The following TNFAIP8 variants were observed in gnomAD, a reference collection of about 807,000 sequenced individuals.
The protein encoded by TNFAIP8 is tumor necrosis factor alpha-induced protein 8.
In TNFAIP8, 7 loss-of-function variants were observed where a neutral mutation model predicts 13.3. That is an observed-to-expected ratio of 0.52 (90% CI 0.30 to 0.99). The LOEUF is 0.99. Ranked by LOEUF, TNFAIP8 falls within the 50% of genes least tolerant of loss-of-function variation. The pLI, the probability that TNFAIP8 is intolerant of heterozygous loss-of-function variation, is 0.07. For synonymous variants in TNFAIP8, 94 were observed against 87.6 expected (o/e 1.07, Z -0.41); for missense variants, 258 against 236.9 (o/e 1.09, Z -0.58).
At chr5:119,277,930 C>T (rs976263732) in intron 1 of TNFAIP8, among the ~76,000 whole-genome samples, 2 of 152,062 alleles carry the variant, frequency 1.3e-5, no homozygotes, top group Admixed American at 1.3e-4. Flanking sequence ...AGCACTAATC[C>T]ACTCATAAGG....
intron 1 of TNFAIP8, among the ~76,000 whole-genome samples, chr5:119,341,565 TTTATAGTTTCA>T (rs1391721716): frequency 1.3e-5 from 2 of 152,198 alleles, no homozygotes; most frequent in African/African-American, 2.4e-5. Context: ...ATGTGAGCCT[TTTATAGTTTCA>T]TTTATATACT....
At chr5:119,365,631 A>G (rs1177165775) in intron 1 of TNFAIP8, among the ~76,000 whole-genome samples, 2 of 152,202 alleles carry the variant, frequency 1.3e-5, no homozygotes, top group Non-Finnish European at 2.9e-5. Context: ...TGCTCCAATA[A>G]ACTTTTTCCT....
intron 1 of TNFAIP8, among the ~76,000 whole-genome samples, chr5:119,358,975 T>C (rs6869623): frequency 0.16 from 24,624 of 152,038 alleles, 3,862 homozygotes; most frequent in African/African-American, 0.41. Context: ...CACCACCACC[T>C]CACCCAGTTC....
intron 1 of TNFAIP8, among the ~76,000 whole-genome samples, chr5:119,375,362 C>T (rs373862045): frequency 1.3e-4 from 20 of 152,168 alleles, no homozygotes; most frequent in East Asian, 5.8e-4. Context: ...TTTAGAGTAA[C>T]GAGTGAGTAG....
At chr5:119,356,869 T>C (rs1751445564) in intron 1 of TNFAIP8, among the ~76,000 whole-genome samples, 2 of 152,086 alleles carry the variant, frequency 1.3e-5, no homozygotes, top group Non-Finnish European at 2.9e-5. Flanking sequence ...CTTTGTTCCT[T>C]GAAACTTTAT....
upstream of TNFAIP8, among the ~76,000 whole-genome samples, chr5:119,351,529 T>G (rs969671755): frequency 6.6e-6 from 1 of 152,166 alleles, no homozygotes; most frequent in African/African-American, 2.4e-5. Context: ...GAACACATTT[T>G]AGGTGGGCTA....
intron 1 of TNFAIP8, among the ~76,000 whole-genome samples, chr5:119,387,257 T>G (rs1752717315): frequency 6.6e-6 from 1 of 152,190 alleles, no homozygotes; most frequent in African/African-American, 2.4e-5. Flanking sequence ...TCCCATTAGA[T>G]TTAGAATTAT....
chr5:119,343,637 C>A (rs949082773), intron 1 of TNFAIP8, among the ~76,000 whole-genome samples: 1 of 152,136 alleles, frequency 6.6e-6, no homozygotes, highest in Non-Finnish European at 1.5e-5. Context: ...CAAACAAATG[C>A]AAGGTATAAT....
chr5:119,391,066 A>C (rs1048390834), intron 1 of TNFAIP8, among the ~76,000 whole-genome samples: 8 of 151,270 alleles, frequency 5.3e-5, no homozygotes, highest in Admixed American at 5.3e-4. Context: ...CCTGGGCTCA[A>C]GTGATCCTCT....
intron 1 of TNFAIP8, among the ~76,000 whole-genome samples, chr5:119,293,284 G>A (rs927808154): frequency 5.9e-5 from 9 of 152,032 alleles, no homozygotes; most frequent in African/African-American, 1.7e-4. Flanking sequence ...CTACTGTGAT[G>A]TACAGTAGAT....
intron 1 of TNFAIP8, among the ~76,000 whole-genome samples, chr5:119,334,316 G>T (rs1750479154): frequency 6.6e-6 from 1 of 152,040 alleles, no homozygotes; most frequent in South Asian, 2.1e-4. Context: ...AGCCCTTAAA[G>T]TTATATTGGT....
intron 1 of TNFAIP8, among the ~76,000 whole-genome samples, chr5:119,356,724 C>G (rs1344802635): frequency 6.6e-6 from 1 of 152,094 alleles, no homozygotes; most frequent in Non-Finnish European, 1.5e-5. Flanking sequence ...TTGTCTGTTT[C>G]TAACTTCGCA....
intron 1 of TNFAIP8, among the ~76,000 whole-genome samples, chr5:119,323,255 C>T (rs548914390): frequency 6.6e-6 from 1 of 152,268 alleles, no homozygotes; most frequent in South Asian, 2.1e-4. Context: ...GCTTAAAATG[C>T]CTCATTAGAG....
intron 1 of TNFAIP8, among the ~76,000 whole-genome samples, chr5:119,381,747 A>G (rs572708004): frequency 4.6e-5 from 7 of 152,160 alleles, no homozygotes; most frequent in Non-Finnish European, 1.0e-4. Flanking sequence ...AGAGTGGCCA[A>G]TATGGTGAAA....
At chr5:119,369,764 G>A (rs1480704927) in intron 1 of TNFAIP8, among the ~76,000 whole-genome samples, 3 of 152,194 alleles carry the variant, frequency 2.0e-5, no homozygotes, top group Admixed American at 6.5e-5. Context: ...CCTTTAGGAA[G>A]GCTTGGTAGG....
intron 1 of TNFAIP8, among the ~76,000 whole-genome samples, chr5:119,315,260 T>A (rs897000027): frequency 6.6e-6 from 1 of 152,096 alleles, no homozygotes; most frequent in African/African-American, 2.4e-5. Context: ...TTTTTTGTAT[T>A]TTTAGTAGGG....
chr5:119,287,602 A>C (rs1275508755), intron 1 of TNFAIP8, among the ~76,000 whole-genome samples: 1 of 151,686 alleles, frequency 6.6e-6, no homozygotes, highest in Non-Finnish European at 1.5e-5. Flanking sequence ...CCCATTCCCC[A>C]CCCTCCAAAC....
At chr5:119,340,923 AG>A (rs1472465378) in intron 1 of TNFAIP8, among the ~76,000 whole-genome samples, 1 of 152,130 alleles carries the variant, frequency 6.6e-6, no homozygotes, top group Non-Finnish European at 1.5e-5. Flanking sequence ...GTTGGCTGCC[AG>A]GCTTGTGTTC....
At chr5:119,313,504 A>C (rs938725904) in intron 1 of TNFAIP8, among the ~76,000 whole-genome samples, 7 of 152,204 alleles carry the variant, frequency 4.6e-5, no homozygotes, top group African/African-American at 1.7e-4. Flanking sequence ...GGGTCTCATA[A>C]TAGGCACGGG....
Sources: gnomAD v4.1 joint callset for allele counts (sites outside exome capture counted in the v4.1 genomes callset) on GRCh38, gnomAD v4.1.1 for gene constraint, MANE v1.5 for transcripts, NCBI Gene and HGNC (gene_info 2026-07-23, HGNC 2026-07-21) for gene names.